The following ACMSD variants were observed in gnomAD, a reference collection of about 807,000 sequenced individuals.
ACMSD encodes aminocarboxymuconate semialdehyde decarboxylase, also known as 2-amino-3-carboxymuconate-6-semialdehyde decarboxylase.
A neutral mutation model predicts 45.9 loss-of-function variants in ACMSD; 37 were observed. The ratio of observed to expected loss-of-function variants is 0.81; its 90% confidence interval spans 0.62 to 1.06. ACMSD has a LOEUF of 1.06. Among genes scored for constraint, ACMSD ranks in the 50% least tolerant of loss-of-function variants. ACMSD has a pLI of 0.00. For missense variants in ACMSD, 434 were observed against 420.9 expected, an observed-to-expected ratio of 1.03 and a Z score of -0.27; for synonymous variants, 138 against 148.8, an observed-to-expected ratio of 0.93 and a Z score of 0.53.
chr2:134,844,798 A>G (rs1261410168), intron 1 of ACMSD, among the ~76,000 whole-genome samples: 1 of 152,190 alleles, frequency 6.6e-6, no homozygotes, highest in Non-Finnish European at 1.5e-5. Context: ...CTGTTTTAAA[A>G]TGTTTGAGTC....
At chr2:134,900,134 G>A (rs1238325113) in intron 9 of ACMSD, among the ~76,000 whole-genome samples, 1 of 152,074 alleles carries the variant, frequency 6.6e-6, no homozygotes, top group East Asian at 1.9e-4. Flanking sequence ...TACATTGGAA[G>A]GTATAGCAGT....
Position 134,867,662 on chromosome 2 carries a change from T to C in ACMSD, c.570T>C (p.Pro190=). The change falls in exon 6 of 10, where the codon CCT becomes CCC. Residue 190 remains proline (P), a synonymous_variant. Coordinates refer to ENST00000356140, the MANE Select transcript of ACMSD (RefSeq NM_138326.3). ...MDGRMAKYWL[P]WLVGMPAETT... ...GACGAATGGCCAAATACTGGCTCCC[T>C]TGGCTTGTAGGTTTGTGTCTGTGTG... 8 of 1,613,530 alleles carry C rather than the reference T, an allele frequency of 5.0e-6. No individual in the cohort carries two copies. The highest frequency in any genetic ancestry group is 6.8e-6 in the Non-Finnish European group (8 of 1,179,636).
In ACMSD at chr2:134,901,724, C is replaced by A. The variant is rs185305223; in HGVS notation, c.949-74C>A. The A allele has an allele frequency of 1.0e-5, 11 of 1,076,438 alleles. No homozygotes were observed. The African/African-American group carries it at 1.6e-4, about 16-fold the overall frequency. 66.7% of individuals were successfully genotyped at this position (1,076,438 alleles called of 1,614,324 possible). On this transcript the variant is annotated intron_variant, in intron 9 of 9. Transcript: ENST00000356140. ...ATATTGGGGAGCTGATTTTTTTAAA[C>A]CTGATCAATGTAGTACTTAAAAGTA...
intron 8 of ACMSD, among the ~76,000 whole-genome samples, chr2:134,893,650 C>T (rs1368221610): frequency 1.3e-5 from 2 of 151,978 alleles, no homozygotes; most frequent in South Asian, 2.1e-4. Context: ...TCATAAACCA[C>T]GGAGGCCAGA....
In ACMSD at chr2:134,861,975, C is replaced by A; in HGVS notation, c.206C>A (p.Thr69Lys). Residue 69 changes from threonine (T) to lysine (K), a missense_variant, in exon 4 of 10, where the codon ACA becomes AAA. Physicochemically the swap from Thr to Lys is moderately conservative, Grantham distance 78. Transcript: ENST00000356140. ...TCTTTGTGTCCATGTCTAGGAGTAA[C>A]AGTGCAAGCCCTTTCCACAGTTCCT... The part of the protein sequence containing the change: ...RIREMDQKGV[T>K]VQALSTVPVM... 1.2e-6 allele frequency: 2 copies of A among 1,614,164 alleles called. No homozygotes were observed. Among genetic ancestry groups the A allele is most frequent in the African/African-American group, 1.3e-5 (1 of 75,030 alleles).
chr2:134,885,319 A>ATATAT lies in ACMSD; in HGVS notation c.849+12678_849+12679insTATAT, dbSNP rs35092050. Among the ~76,000 whole-genome samples the ATATAT allele has an allele frequency of 3.7e-3, 381 of 103,134 alleles. 3 individuals are homozygous for ATATAT. Among genetic ancestry groups the ATATAT allele is most frequent in the East Asian group, 0.016 (51 of 3,112 alleles). 67.7% of individuals were successfully genotyped at this position (103,134 alleles called of 152,430 possible). ...TATATATATTTAAATATATATATAT[A>ATATAT]AATATATATGTAAATATATATTTAT... On this transcript the variant is annotated intron_variant, in intron 8 of 9. Coordinates refer to ENST00000356140, the MANE Select transcript of ACMSD (RefSeq NM_138326.3).
chr2:134,860,717 T>TA (rs1559047233), intron 3 of ACMSD, among the ~76,000 whole-genome samples: 1 of 152,028 alleles, frequency 6.6e-6, no homozygotes, highest in Non-Finnish European at 1.5e-5. Context: ...GCTTTATATA[T>TA]TTTTTAACAA....
chr2:134,892,213 C>A (rs1404323874), intron 8 of ACMSD, among the ~76,000 whole-genome samples: 1 of 125,950 alleles, frequency 7.9e-6, no homozygotes, highest in Middle Eastern at 4.9e-3. Flanking sequence ...TGCACTTGTA[C>A]CCCTTACATG....
chr2:134,901,598 C>CTGAAATCTA (rs765787772), intron 9 of ACMSD, among the ~76,000 whole-genome samples, 200 bp from the exon 10 acceptor site: 206 of 152,284 alleles, frequency 1.4e-3, no homozygotes, highest in Non-Finnish European at 2.2e-3. Flanking sequence ...TCTCCCCCTA[C>CTGAAATCTA]AATCAAGTTT....
At chr2:134,864,268 C>CAAA (rs370221460) in intron 5 of ACMSD, among the ~76,000 whole-genome samples, 1 of 117,964 alleles carries the variant, frequency 8.5e-6, no homozygotes, top group African/African-American at 3.3e-5. Flanking sequence ...GACTCCATCT[C>CAAA]AAAAAAAAAA....
chr2:134,849,679 T>C (rs553161630), intron 2 of ACMSD, among the ~76,000 whole-genome samples: 3 of 152,340 alleles, frequency 2.0e-5, no homozygotes, highest in South Asian at 2.1e-4. Context: ...CCCAAACAAA[T>C]TGAGGGGTAG....
intron 4 of ACMSD, among the ~76,000 whole-genome samples, chr2:134,862,770 C>G (rs1205749121): frequency 1.3e-5 from 2 of 152,236 alleles, no homozygotes; most frequent in African/African-American, 4.8e-5. Flanking sequence ...GATTAGACAA[C>G]TGAGGCTGCA....
intron 8 of ACMSD, among the ~76,000 whole-genome samples, chr2:134,882,110 T>G (rs1481371301): frequency 1.3e-5 from 2 of 152,162 alleles, no homozygotes; most frequent in East Asian, 3.8e-4. Flanking sequence ...ACAGTGAGAC[T>G]TGGTCTCAAA....
intron 9 of ACMSD, among the ~76,000 whole-genome samples, chr2:134,900,038 A>G (rs574489738): frequency 5.1e-4 from 77 of 152,180 alleles, no homozygotes; most frequent in Non-Finnish European, 9.7e-4. Context: ...TGAAGTATCT[A>G]TTTTAGACAT....
intron 9 of ACMSD, among the ~76,000 whole-genome samples, chr2:134,901,092 T>C (rs1294356958): frequency 6.6e-6 from 1 of 152,146 alleles, no homozygotes; most frequent in Non-Finnish European, 1.5e-5. Flanking sequence ...CCTGAAGTGG[T>C]CATAATATAG....
chr2:134,849,068 T>C (rs1687209737), intron 2 of ACMSD, among the ~76,000 whole-genome samples: 1 of 152,112 alleles, frequency 6.6e-6, no homozygotes, highest in African/African-American at 2.4e-5. Flanking sequence ...GCAAAGCAGC[T>C]AGGAAGCCCC....
intron 1 of ACMSD, among the ~76,000 whole-genome samples, chr2:134,843,985 C>T (rs979456837): frequency 6.6e-6 from 1 of 152,258 alleles, no homozygotes; most frequent in Non-Finnish European, 1.5e-5. Context: ...CTACCCCAGC[C>T]TTAACCTCCC....
chr2:134,840,166 G>GAAAAAAAAAAAAA (rs1559034706), intron 1 of ACMSD, among the ~76,000 whole-genome samples: 1 of 12,048 alleles, frequency 8.3e-5, no homozygotes, highest in African/African-American at 3.7e-4. Flanking sequence ...ACTATACCTA[G>GAAAAAAAAAAAAA]CAAAAAAAAA....
intron 8 of ACMSD, among the ~76,000 whole-genome samples, chr2:134,879,865 T>G (rs1047342146): frequency 2.6e-5 from 4 of 152,226 alleles, no homozygotes; most frequent in African/African-American, 9.7e-5. Context: ...TATTTAAACC[T>G]GCTGCACATC....
Sources: allele counts gnomAD v4.1 joint callset (sites outside exome capture counted in the v4.1 genomes callset), GRCh38; gene constraint gnomAD v4.1.1; transcripts MANE v1.5; gene names NCBI Gene and HGNC (gene_info 2026-07-23, HGNC 2026-07-21).